DNAH11: variants seen among roughly 807,000 people sequenced by gnomAD.
The protein encoded by DNAH11 is axonemal beta dynein heavy chain 11.
A neutral mutation model predicts 526.0 loss-of-function variants in DNAH11; 442 were observed. The observed-to-expected ratio is 0.84, with a 90% CI of 0.78 to 0.91. The LOEUF (loss-of-function observed/expected upper bound fraction) is 0.91. Among genes scored for constraint, DNAH11 ranks in the 40% least tolerant of loss-of-function variants. DNAH11 has a pLI of 0.00. For missense variants in DNAH11, 6,989 were observed against 5,448.7 expected, an observed-to-expected ratio of 1.28 and a Z score of -8.90; for synonymous variants, 2,461 against 1,935.9, an observed-to-expected ratio of 1.27 and a Z score of -7.12.
In DNAH11 at chr7:21,880,842, C is replaced by T. The variant is rs779489580; in HGVS notation, c.12336C>T (p.Asp4112=). The T allele has an allele frequency of 8.7e-6, 14 of 1,613,722 alleles. No homozygotes were observed. The highest frequency in any genetic ancestry group is 1.2e-5 in the Non-Finnish European group (14 of 1,179,838). ...WSRSYPFNPG[D]LTICASVLYN... The stretch of plus-strand genomic sequence containing the variant: ...GAAGCTATCCTTTTAATCCTGGAGA[C>T]CTCACCATTTGTGCCAGTGTCCTCT... The change falls in exon 75 of 82, where the codon GAC becomes GAT. Residue 4112 remains aspartate (D), a synonymous_variant. Transcript: ENST00000409508.
rs552286254 is a variant in DNAH11 at position 21,806,721 on chromosome 7, A to G, written c.10166-1162A>G. Reference sequence around the variant, plus strand: ...ATTAATTTGCATGTTCTTAAAATGTATTTTTAGCGTACATTGAAACAAAAT... The same window carrying G: ...ATTAATTTGCATGTTCTTAAAATGTGTTTTTAGCGTACATTGAAACAAAAT... On this transcript the variant is annotated intron_variant, in intron 62 of 81. Transcript: ENST00000409508. 3.3e-5 allele frequency among the ~76,000 whole-genome samples: 5 copies of G among 152,266 alleles called. No homozygotes were observed. The East Asian group carries it at 9.7e-4, about 29-fold the overall frequency.
In DNAH11 at chr7:21,564,873, A is replaced by G. The variant is rs1431112469; in HGVS notation, c.1194+476A>G. Reference sequence around the variant, plus strand: ...AAATCTCTTTTGTAATTGTGTCTCTATTCCTTACTCAACCTGCAAAATGTT... The same window carrying G: ...AAATCTCTTTTGTAATTGTGTCTCTGTTCCTTACTCAACCTGCAAAATGTT... On this transcript the variant is annotated intron_variant, in intron 6 of 81. Coordinates refer to ENST00000409508, the MANE Select transcript of DNAH11 (RefSeq NM_001277115.2). Among the ~76,000 whole-genome samples, 4 of 151,830 alleles carry G rather than the reference A, an allele frequency of 2.6e-5. No individual in the cohort carries two copies. In the South Asian group the frequency reaches 8.3e-4, roughly 32 times the overall value.
intron 76 of DNAH11, among the ~76,000 whole-genome samples, chr7:21,884,888 T>C (rs922341719): frequency 1.3e-5 from 2 of 152,112 alleles, no homozygotes; most frequent in African/African-American, 2.4e-5. Context: ...TCCTAGAAAA[T>C]AGTCTACAGT....
intron 25 of DNAH11, 40 bp from the exon 26 acceptor site, chr7:21,635,831 A>G (rs374845325): frequency 2.0e-6 from 3 of 1,521,476 alleles, no homozygotes; most frequent in African/African-American, 2.7e-5. Context: ...ACATTCTACT[A>G]AATTTAGCTA....
At chr7:21,733,177 A>C (rs1213396205) in intron 45 of DNAH11, among the ~76,000 whole-genome samples, 3 of 152,248 alleles carry the variant, frequency 2.0e-5, no homozygotes, top group African/African-American at 7.2e-5. Flanking sequence ...ACCTGAGGCC[A>C]GGAATTCAAG....
At position 21,704,441 on chromosome 7, in the gene DNAH11, T is replaced by A; in HGVS notation, c.6281T>A (p.Met2094Lys). ...DKNRPEDQVLMRALRDFNMPK... is the reference protein window; with the variant it reads ...DKNRPEDQVLKRALRDFNMPK... ...AAATGTTTTTTTTTCTAGGTACTCA[T>A]GAGAGCATTAAGGGATTTCAATATG... The change falls in exon 38 of 82, where the codon ATG becomes AAG. Residue 2094 changes from methionine to lysine, a missense_variant. By Grantham distance (95) the Met-to-Lys change is moderately conservative. Transcript: ENST00000409508. The A allele has an allele frequency of 6.2e-7, 1 of 1,612,952 alleles. No homozygotes were observed. Among genetic ancestry groups the A allele is most frequent in the African/African-American group, 1.3e-5 (1 of 75,012 alleles).
intron 27 of DNAH11, 44 bp from the exon 28 acceptor site, chr7:21,638,895 C>G (rs1359575663): frequency 6.4e-7 from 1 of 1,566,060 alleles, no homozygotes; most frequent in African/African-American, 1.4e-5. Context: ...GTTTTAATGA[C>G]TGAAGGGACA....
intron 57 of DNAH11, among the ~76,000 whole-genome samples, chr7:21,782,781 G>A (rs576753900): frequency 4.6e-5 from 7 of 152,084 alleles, no homozygotes; most frequent in Non-Finnish European, 7.4e-5. Flanking sequence ...GTAGTGGTGC[G>A]TGCCTGTAAT....
chr7:21,799,585 C>T (rs1420169267), intron 61 of DNAH11, among the ~76,000 whole-genome samples: 1 of 152,198 alleles, frequency 6.6e-6, no homozygotes. Flanking sequence ...ATCTGCCTGC[C>T]TCAGCCTCCC....
chr7:21,600,949 A>T lies in DNAH11; in HGVS notation c.3255+19A>T. 1 of 1,612,508 alleles carries T rather than the reference A, an allele frequency of 6.2e-7. No homozygotes were observed. Among genetic ancestry groups the T allele is most frequent in the Non-Finnish European group, 8.5e-7 (1 of 1,179,530 alleles). On this transcript the variant is annotated intron_variant, in intron 16 of 81. Coordinates refer to ENST00000409508, the MANE Select transcript of DNAH11 (RefSeq NM_001277115.2). ...AGAACAGGCAAGGAAAACCCTTAGC[A>T]TTTAATGTAGTGAAATGGCTTTTCA...
chr7:21,835,619 CAAT>C (rs1781963665), intron 65 of DNAH11, among the ~76,000 whole-genome samples: 1 of 151,920 alleles, frequency 6.6e-6, no homozygotes, highest in Non-Finnish European at 1.5e-5. Flanking sequence ...TACCTCAAAA[CAAT>C]AAAGGCCATA....
chr7:21,550,956 T>C (rs7795069), intron 2 of DNAH11, among the ~76,000 whole-genome samples: 29,539 of 152,146 alleles, frequency 0.19, 2,956 homozygotes, highest in Middle Eastern at 0.26. Context: ...TGTTTTATAA[T>C]CACCTTTTTG....
intron 45 of DNAH11, 103 bp downstream of exon 45, chr7:21,726,087 A>T: frequency 8.5e-7 from 1 of 1,173,798 alleles, no homozygotes; most frequent in Non-Finnish European, 1.1e-6. Flanking sequence ...TAATTGGCTC[A>T]TGATTCCACA....
intron 74 of DNAH11, among the ~76,000 whole-genome samples, chr7:21,877,255 G>T (rs1470772379): frequency 6.6e-6 from 1 of 152,006 alleles, no homozygotes; most frequent in Non-Finnish European, 1.5e-5. Flanking sequence ...TGTCACCCAG[G>T]CTGAAGTGCA....
chr7:21,725,344 C>G (rs973184417), intron 44 of DNAH11, among the ~76,000 whole-genome samples: 1 of 152,114 alleles, frequency 6.6e-6, no homozygotes, highest in African/African-American at 2.4e-5. Flanking sequence ...CAGTTGTTTA[C>G]TTTTCTAAGC....
rs117226201 is a variant in DNAH11, at chr7:21,738,676, G to A, written c.7646-25G>A. The A allele has an allele frequency of 3.6e-3, 5,552 of 1,536,258 alleles. 19 individuals carry two copies. Among genetic ancestry groups the A allele is most frequent in the Middle Eastern group, 5.2e-3 (30 of 5,732 alleles). ...GAACATTTACATTCTGTTGATGGGT[G>A]GACAGAAATATATGTTTATTTCAGA... On this transcript the variant is annotated intron_variant, in intron 46 of 81. Coordinates refer to ENST00000409508, the MANE Select transcript of DNAH11 (RefSeq NM_001277115.2).
intron 45 of DNAH11, 34 bp downstream of exon 45, chr7:21,726,018 T>G (rs2965424): frequency 2.0e-6 from 3 of 1,484,776 alleles, no homozygotes; most frequent in Non-Finnish European, 2.7e-6. Context: ...TGTATTAGTC[T>G]GTTTTCATAT....
intron 28 of DNAH11, among the ~76,000 whole-genome samples, chr7:21,647,715 G>A (rs1787426246): frequency 6.6e-6 from 1 of 151,862 alleles, no homozygotes; most frequent in Non-Finnish European, 1.5e-5. Context: ...ACAGGCATTA[G>A]CCACTGCACC....
chr7:21,824,281 G>A lies in DNAH11; in HGVS notation c.10691+5942G>A, dbSNP rs370784507. Among the ~76,000 whole-genome samples, 36 of 152,108 alleles carry A rather than the reference G, an allele frequency of 2.4e-4. 2 individuals are homozygous for A. In the East Asian group the frequency reaches 6.0e-3, roughly 25 times the overall value. On this transcript the variant is annotated intron_variant, in intron 65 of 81. Transcript: ENST00000409508. ...ACATGTATCTGCCATTCAGATTATT[G>A]CCAATATCCTTTAAGCTACCTTTGT...
Sources: gnomAD v4.1 joint callset for allele counts (sites outside exome capture counted in the v4.1 genomes callset) on GRCh38, gnomAD v4.1.1 for gene constraint, MANE v1.5 for transcripts, NCBI Gene and HGNC (gene_info 2026-07-23, HGNC 2026-07-21) for gene names.